Variants in PTP4A3 observed in about 807,000 individuals in gnomAD.
The protein encoded by PTP4A3 is protein tyrosine phosphatase type IVA 3.
A neutral mutation model predicts 15.2 loss-of-function variants in PTP4A3; 9 were observed. The ratio of observed to expected loss-of-function variants is 0.59; its 90% CI spans 0.36 to 1.03. PTP4A3 has a LOEUF of 1.03. PTP4A3 is among the 50% of genes least tolerant of loss of function. PTP4A3 has a pLI of 0.02. For synonymous variants in PTP4A3, 95 were observed against 102.0 expected (o/e 0.93, Z 0.41); for missense variants, 234 against 252.1 (o/e 0.93, Z 0.49).
At chr8:141,412,116 G>A (rs996505582) in intron 1 of PTP4A3, among the ~76,000 whole-genome samples, 9 of 152,218 alleles carry the variant, frequency 5.9e-5, no homozygotes, top group East Asian at 5.8e-4. Context: ...AGGGAGGGGC[G>A]TCATGGGTAT....
At chr8:141,430,620 C>T (rs1345133698) in intron 5 of PTP4A3, among the ~76,000 whole-genome samples, 3 of 152,308 alleles carry the variant, frequency 2.0e-5, no homozygotes, top group South Asian at 2.1e-4. Flanking sequence ...TTGTTGTCTG[C>T]TCATGGCCTT....
chr8:141,393,822 G>A (rs187566765), intron 1 of PTP4A3, among the ~76,000 whole-genome samples: 2 of 152,374 alleles, frequency 1.3e-5, no homozygotes, highest in East Asian at 3.9e-4. Context: ...CGGGAGGTGG[G>A]CAGCTTTCTC....
intron 1 of PTP4A3, among the ~76,000 whole-genome samples, chr8:141,410,940 G>A (rs559792760): frequency 6.6e-6 from 1 of 152,222 alleles, no homozygotes; most frequent in East Asian, 1.9e-4. Context: ...GCTGAGTCTC[G>A]CACCCTCTCT....
At chr8:141,395,665 CCTGGGGAAGGTGCGTGGG>C (rs1329019575) in intron 1 of PTP4A3, among the ~76,000 whole-genome samples, 2 of 140,080 alleles carry the variant, frequency 1.4e-5, no homozygotes, top group African/African-American at 5.6e-5. Context: ...CGTTCATCTA[CCTGGGGAAGGTGCGTGGG>C]CCACCCCTCC....
intron 1 of PTP4A3, among the ~76,000 whole-genome samples, chr8:141,415,056 T>G (rs575455416): frequency 6.6e-6 from 1 of 152,172 alleles, no homozygotes; most frequent in South Asian, 2.1e-4. Flanking sequence ...TCGCCTCCCC[T>G]GTCTCCCTGC....
chr8:141,394,883 C>G (rs529433137), intron 1 of PTP4A3, among the ~76,000 whole-genome samples: 2 of 152,354 alleles, frequency 1.3e-5, no homozygotes, highest in Non-Finnish European at 2.9e-5. Flanking sequence ...GTTGGCATCG[C>G]CGCCGCCTGA....
intron 1 of PTP4A3, among the ~76,000 whole-genome samples, chr8:141,401,961 G>T (rs541199832): frequency 8.0e-6 from 1 of 125,452 alleles, no homozygotes; most frequent in Non-Finnish European, 1.5e-5. Context: ...TTCAGCCCAG[G>T]GGGGCCCCGT....
In PTP4A3 at chr8:141,425,143, G is replaced by A. The variant is rs778660199; in HGVS notation, c.198+3G>A. ...AGAAGGATGGCATCACCGTTGTGGT[G>A]AGGCGCGCGCCACGGGGACCCTAGT... On this transcript the variant is annotated splice_donor_region_variant and intron_variant, in intron 3 of 5. Coordinates refer to ENST00000521578, the MANE Select transcript of PTP4A3 (RefSeq NM_032611.3). This position sits in a 1 kb window ranked among gnomAD's most constrained non-coding sequence, Gnocchi z 4.2. 1.9e-6 allele frequency: 3 copies of A among 1,610,642 alleles called. No individual in the cohort carries two copies. In the South Asian group the frequency reaches 3.3e-5, roughly 18 times the overall value.
chr8:141,414,795 G>C lies in PTP4A3; in HGVS notation c.-853-6593G>C, dbSNP rs1010728913. 7.2e-5 allele frequency among the ~76,000 whole-genome samples: 11 copies of C among 152,008 alleles called. 1 individual carries two copies. The highest frequency in any genetic ancestry group is 2.7e-4 in the African/African-American group (11 of 41,362). On this transcript the variant is annotated intron_variant, in intron 1 of 5. Coordinates refer to ENST00000521578, the MANE Select transcript of PTP4A3 (RefSeq NM_032611.3). Reference sequence around the variant, plus strand: ...CAGGAGGTAGAGTCCTGGGGGCTGGGCTGGCCTGAGAGACGCCCCCTCATC... The same window carrying C: ...CAGGAGGTAGAGTCCTGGGGGCTGGCCTGGCCTGAGAGACGCCCCCTCATC...
chr8:141,392,865 G>C (rs12156359), intron 1 of PTP4A3, among the ~76,000 whole-genome samples: 22 of 152,204 alleles, frequency 1.4e-4, no homozygotes, highest in Non-Finnish European at 1.2e-4. Context: ...CAAGGGCAGC[G>C]TGAGGTCCAG....
chr8:141,410,988 A>G (rs1388514914), intron 1 of PTP4A3, among the ~76,000 whole-genome samples: 1 of 152,182 alleles, frequency 6.6e-6, no homozygotes, highest in Non-Finnish European at 1.5e-5. Flanking sequence ...GGGGAAGGCC[A>G]AGACCCAGGG....
chr8:141,426,699 G>T (rs1394455324), intron 3 of PTP4A3: 4 of 975,248 alleles, frequency 4.1e-6, no homozygotes, highest in African/African-American at 1.8e-5. Flanking sequence ...GTCCAGGAAG[G>T]CTTCCTGGAG....
intron 1 of PTP4A3, among the ~76,000 whole-genome samples, chr8:141,414,552 A>G (rs1832964231): frequency 6.9e-6 from 1 of 145,502 alleles, no homozygotes; most frequent in Non-Finnish European, 1.5e-5. Flanking sequence ...CGGGGTCTTG[A>G]GGAGCAGGAG....
In PTP4A3 at chr8:141,431,194, A is replaced by T; in HGVS notation, c.*150A>T. On this transcript the variant is annotated 3_prime_UTR_variant, in exon 6 of 6. Coordinates refer to ENST00000521578, the MANE Select transcript of PTP4A3 (RefSeq NM_032611.3). The stretch of plus-strand genomic sequence containing the variant: ...CTTTTCCTCCCCGACACCTCCGTGC[A>T]CTTGTGTCCGAGGAGCGAGGAGCCC... 1.4e-6 allele frequency: 1 copy of T among 719,258 alleles called. No homozygotes were observed. Among genetic ancestry groups the T allele is most frequent in the Non-Finnish European group, 2.3e-6 (1 of 428,160 alleles). 44.6% of individuals were successfully genotyped at this position (719,258 alleles called of 1,614,324 possible).
intron 1 of PTP4A3, among the ~76,000 whole-genome samples, chr8:141,417,513 C>T (rs1264265705): frequency 6.6e-6 from 1 of 152,138 alleles, no homozygotes; most frequent in African/African-American, 2.4e-5. Flanking sequence ...AAGCTGGGCG[C>T]GCTCTGTCCA....
At chr8:141,402,551 G>C (rs1280229972) in intron 1 of PTP4A3, among the ~76,000 whole-genome samples, 1 of 152,198 alleles carries the variant, frequency 6.6e-6, no homozygotes, top group Non-Finnish European at 1.5e-5. Flanking sequence ...CTTGCGCCCT[G>C]TGTTCTTGGC....
chr8:141,422,133 A>G lies in PTP4A3; in HGVS notation c.-108A>G, dbSNP rs1586560585. On this transcript the variant is annotated 5_prime_UTR_variant, in exon 2 of 6. Coordinates refer to ENST00000521578, the MANE Select transcript of PTP4A3 (RefSeq NM_032611.3). ...AATCTCGTTTCTCTTGGACAAGCAC[A>G]GGGATCTCGTTCTCCTCATTTTTTG... 13 of 1,028,376 alleles carry G rather than the reference A, an allele frequency of 1.3e-5. No homozygotes were observed. In the South Asian group the frequency reaches 1.7e-4, roughly 13 times the overall value. The allele number at this position is 1,028,376 out of a possible 1,614,324, so 63.7% of individuals were successfully genotyped here.
intron 5 of PTP4A3, among the ~76,000 whole-genome samples, chr8:141,430,306 C>A (rs76237486): frequency 6.6e-3 from 440 of 67,144 alleles, no homozygotes; most frequent in Middle Eastern, 0.015. Flanking sequence ...TGTAAGGACC[C>A]GGTGGCGGGG....
chr8:141,408,951 G>T (rs1323004360), intron 1 of PTP4A3, among the ~76,000 whole-genome samples: 1 of 152,228 alleles, frequency 6.6e-6, no homozygotes, highest in Non-Finnish European at 1.5e-5. Flanking sequence ...CACAGACAAG[G>T]TTGTGAGGTA....
Sources: gnomAD v4.1 joint callset for allele counts (sites outside exome capture counted in the v4.1 genomes callset) on GRCh38, gnomAD v4.1.1 for gene constraint, Gnocchi (gnomAD v3.1) non-coding constraint, MANE v1.5 for transcripts, NCBI Gene and HGNC (gene_info 2026-07-23, HGNC 2026-07-21) for gene names.